The following SLC14A2 variants were observed in gnomAD, a reference collection of about 807,000 sequenced individuals.
SLC14A2 encodes solute carrier family 14 member 2.
A neutral mutation model predicts 104.6 loss-of-function variants in SLC14A2; 91 were observed. The ratio of observed to expected loss-of-function variants is 0.87; its 90% CI spans 0.73 to 1.04. The LOEUF (loss-of-function observed/expected upper bound fraction) is 1.04, where lower values mean the gene tolerates loss of function less well. Ranked by LOEUF, SLC14A2 falls within the 50% of genes least tolerant of loss-of-function variation. The pLI, the probability that SLC14A2 is intolerant of heterozygous loss-of-function variation, is 0.00. For synonymous variants in SLC14A2, 476 were observed against 466.4 expected (o/e 1.02, Z -0.27); for missense variants, 1,189 against 1,156.0 (o/e 1.03, Z -0.41).
chr18:45,531,917 A>G (rs2043696528), intron 2 of SLC14A2, among the ~76,000 whole-genome samples: 1 of 152,178 alleles, frequency 6.6e-6, no homozygotes, highest in Non-Finnish European at 1.5e-5. Flanking sequence ...CTTTCTACAT[A>G]TGGCTAGCCA....
chr18:45,590,238 T>C (rs1173718645), intron 2 of SLC14A2, among the ~76,000 whole-genome samples: 1 of 152,192 alleles, frequency 6.6e-6, no homozygotes, highest in Non-Finnish European at 1.5e-5. Flanking sequence ...CATCAAAGCA[T>C]GTCCCTTCCC....
chr18:45,411,895 G>A (rs532305826), intron 1 of SLC14A2, among the ~76,000 whole-genome samples: 27 of 152,232 alleles, frequency 1.8e-4, no homozygotes, highest in African/African-American at 6.5e-4. Context: ...GTATCAGCCA[G>A]TATCCTGAAA....
chr18:45,674,075 T>TG (rs1002327143), intron 18 of SLC14A2, among the ~76,000 whole-genome samples: 108 of 152,138 alleles, frequency 7.1e-4, no homozygotes, highest in African/African-American at 2.4e-3. Context: ...TCGTTACATA[T>TG]GGAATTGGGT....
At chr18:45,574,705 A>G (rs542384548) in intron 2 of SLC14A2, among the ~76,000 whole-genome samples, 71 of 152,352 alleles carry the variant, frequency 4.7e-4, no homozygotes, top group African/African-American at 1.6e-3. Context: ...TTCCTCCTTC[A>G]TTGACAAATG....
At chr18:45,392,629 T>C (rs1301836422) in intron 1 of SLC14A2, among the ~76,000 whole-genome samples, 2 of 152,376 alleles carry the variant, frequency 1.3e-5, no homozygotes, top group Non-Finnish European at 1.5e-5. Flanking sequence ...CTATACACTT[T>C]ATATCTGAAC....
chr18:45,470,744 C>T (rs535113957), intron 1 of SLC14A2, among the ~76,000 whole-genome samples: 117 of 152,050 alleles, frequency 7.7e-4, no homozygotes, highest in African/African-American at 2.8e-3. Flanking sequence ...CTACTCTTAC[C>T]GAATTTTAAT....
Position 45,644,151 on chromosome 18 carries a change from G to A in SLC14A2, c.1342G>A (p.Ala448Thr). Reference protein sequence around the residue: ...LTVKSGEEEKAPSGGGGEHPP... With the variant: ...LTVKSGEEEKTPSGGGGEHPP... The stretch of plus-strand genomic sequence containing the variant: ...AGTGAAAAGCGGTGAAGAAGAGAAG[G>A]CCCCCAGCGGTGAATAGCCATGTTC... Residue 448 changes from alanine (A) to threonine (T), a missense_variant, in exon 10 of 20, where the codon GCC becomes ACC. Coordinates refer to ENST00000255226, the MANE Select transcript of SLC14A2 (RefSeq NM_007163.4). 6.2e-7 allele frequency: 1 copy of A among 1,614,150 alleles called. No individual in the cohort carries two copies. Among genetic ancestry groups the A allele is most frequent in the Non-Finnish European group, 8.5e-7 (1 of 1,180,010 alleles).
chr18:45,534,723 G>A (rs1345518831), intron 2 of SLC14A2, among the ~76,000 whole-genome samples: 1 of 152,130 alleles, frequency 6.6e-6, no homozygotes, highest in Non-Finnish European at 1.5e-5. Flanking sequence ...TAGAGCAAGA[G>A]TATATAAAAT....
At chr18:45,596,372 G>A (rs955164901) in intron 2 of SLC14A2, among the ~76,000 whole-genome samples, 4 of 152,166 alleles carry the variant, frequency 2.6e-5, no homozygotes, top group African/African-American at 9.7e-5. Flanking sequence ...AAAACACTGT[G>A]GGTATATTTC....
At chr18:45,535,582 G>A (rs1347347290) in intron 2 of SLC14A2, among the ~76,000 whole-genome samples, 1 of 152,154 alleles carries the variant, frequency 6.6e-6, no homozygotes, top group Non-Finnish European at 1.5e-5. Flanking sequence ...TAATGGGGCT[G>A]GGATTGAACC....
chr18:45,281,216 C>G (rs967441453), intron 1 of SLC14A2, among the ~76,000 whole-genome samples: 1 of 152,196 alleles, frequency 6.6e-6, no homozygotes, highest in African/African-American at 2.4e-5. Context: ...TGGGGGTTAA[C>G]AGTGTCCCTG....
At chr18:45,354,857 A>G (rs1225203992) in intron 1 of SLC14A2, among the ~76,000 whole-genome samples, 2 of 152,180 alleles carry the variant, frequency 1.3e-5, no homozygotes, top group African/African-American at 4.8e-5. Flanking sequence ...TTAAAATCCC[A>G]AAGGACTTTC....
Position 45,672,887 on chromosome 18 carries a change from G to T in SLC14A2, c.2230-13G>T, listed in dbSNP as rs1489159787. 6.2e-7 allele frequency: 1 copy of T among 1,611,022 alleles called. No individual in the cohort carries two copies. The highest frequency in any genetic ancestry group is 8.5e-7 in the Non-Finnish European group (1 of 1,178,556). On this transcript the variant is annotated splice_polypyrimidine_tract_variant and intron_variant, in intron 16 of 19. Transcript: ENST00000255226. ...GCCTCCATAATGAGCATGTAATCCT[G>T]TTATGCCTACAGCTTTTGAGAGCCA...
intron 1 of SLC14A2, among the ~76,000 whole-genome samples, chr18:45,242,824 T>C (rs1404017664): frequency 1.3e-5 from 2 of 152,208 alleles, no homozygotes; most frequent in African/African-American, 2.4e-5. Context: ...TTAGTTTATA[T>C]ATTTTTAGCC....
At chr18:45,239,638 G>A (rs1424883683) in intron 1 of SLC14A2, among the ~76,000 whole-genome samples, 3 of 152,200 alleles carry the variant, frequency 2.0e-5, no homozygotes, top group African/African-American at 7.2e-5. Flanking sequence ...AGGGTGGAGA[G>A]GGCAATGAAG....
intron 1 of SLC14A2, among the ~76,000 whole-genome samples, chr18:45,427,519 A>G (rs548606714): frequency 1.3e-5 from 2 of 152,258 alleles, no homozygotes; most frequent in East Asian, 1.9e-4. Flanking sequence ...TCTGAGGTAC[A>G]TGGTGTGTGT....
At chr18:45,321,066 GTGTTTACACAGGAGAAC>G (rs2085180051) in intron 1 of SLC14A2, among the ~76,000 whole-genome samples, 1 of 152,182 alleles carries the variant, frequency 6.6e-6, no homozygotes, top group South Asian at 2.1e-4. Flanking sequence ...CTGTTTTCTT[GTGTTTACACAGGAGAAC>G]TGGTTGGGAG....
intron 1 of SLC14A2, among the ~76,000 whole-genome samples, chr18:45,252,081 C>T (rs1348263113): frequency 1.3e-5 from 2 of 152,104 alleles, no homozygotes; most frequent in Admixed American, 1.3e-4. Flanking sequence ...AATAGAAAGC[C>T]CTTGGTCTTC....
At chr18:45,350,335 A>G (rs2085490368) in intron 1 of SLC14A2, among the ~76,000 whole-genome samples, 1 of 152,196 alleles carries the variant, frequency 6.6e-6, no homozygotes, top group Non-Finnish European at 1.5e-5. Context: ...GATTCCTGAG[A>G]ACACCCCCAT....
Sources: gnomAD v4.1 joint callset for allele counts (sites outside exome capture counted in the v4.1 genomes callset) on GRCh38, gnomAD v4.1.1 for gene constraint, MANE v1.5 for transcripts, NCBI Gene and HGNC (gene_info 2026-07-23, HGNC 2026-07-21) for gene names.